The following RIN2 variants were observed in gnomAD, a reference collection of about 807,000 sequenced individuals.
The protein encoded by RIN2 is Ras and Rab interactor 2.
RIN2 carries 36 observed loss-of-function variants against 78.0 expected under a neutral mutation model. The observed-to-expected ratio is 0.46, with a 90% CI of 0.35 to 0.61. The LOEUF is 0.61. Among genes scored for constraint, RIN2 ranks in the 20% least tolerant of loss-of-function variants. The probability of loss-of-function intolerance (pLI) is 0.00; values close to 1 mark genes in which losing one functional copy is unlikely to be tolerated. For synonymous variants in RIN2, 466 were observed against 466.8 expected (o/e 1.00, Z 0.02); for missense variants, 1,087 against 1,159.7 (o/e 0.94, Z 0.91).
intron 3 of RIN2, among the ~76,000 whole-genome samples, chr20:19,934,150 T>C (rs1225251194): frequency 6.6e-6 from 1 of 152,198 alleles, no homozygotes. Context: ...AGAACTTATG[T>C]TTGTATGGAT....
At chr20:19,984,777 A>G (rs1402626036) in intron 9 of RIN2, among the ~76,000 whole-genome samples, 1 of 152,150 alleles carries the variant, frequency 6.6e-6, no homozygotes, top group Non-Finnish European at 1.5e-5. Context: ...AAAAAAATAA[A>G]TAAGAATCTT....
intron 1 of RIN2, among the ~76,000 whole-genome samples, chr20:19,774,231 G>A (rs143676256): frequency 1.7e-3 from 252 of 152,134 alleles, no homozygotes; most frequent in East Asian, 8.1e-3. Flanking sequence ...TATCACCCCC[G>A]AGCAGCCAAG....
chr20:19,802,733 G>T (rs75048314), intron 2 of RIN2, among the ~76,000 whole-genome samples: 196 of 152,246 alleles, frequency 1.3e-3, no homozygotes, highest in African/African-American at 4.5e-3. Context: ...ACTGAGTCCT[G>T]AAGGCCCCCT....
intron 12 of RIN2, among the ~76,000 whole-genome samples, chr20:19,998,080 A>G (rs60718992): frequency 6.6e-6 from 1 of 151,438 alleles, no homozygotes; most frequent in Non-Finnish European, 1.5e-5. Context: ...CCAGGTTCAA[A>G]CGATTCTCCT....
chr20:19,876,833 G>A (rs544158299), intron 2 of RIN2, among the ~76,000 whole-genome samples: 25 of 151,870 alleles, frequency 1.6e-4, no homozygotes, highest in African/African-American at 5.3e-4. Context: ...TGAACCCAGC[G>A]GGGCGGAGGT....
chr20:19,757,809 CG>C (rs1218098095), upstream of RIN2: 1 of 152,458 alleles, frequency 6.6e-6, no homozygotes, highest in Non-Finnish European at 1.5e-5. Context: ...CTCGCCTGGC[CG>C]GGGACCGCAG....
chr20:19,795,317 C>T (rs1451750304), intron 1 of RIN2, among the ~76,000 whole-genome samples: 1 of 152,182 alleles, frequency 6.6e-6, no homozygotes, highest in South Asian at 2.1e-4. Context: ...ATATGTCATA[C>T]ATATTCAGTG....
intron 4 of RIN2, among the ~76,000 whole-genome samples, chr20:19,954,303 G>A (rs992000523): frequency 6.6e-6 from 1 of 152,174 alleles, no homozygotes; most frequent in Admixed American, 6.5e-5. Flanking sequence ...AGTTCACACA[G>A]TTGAGTTCCT....
chr20:19,786,932 C>T (rs2034696219), intron 1 of RIN2, among the ~76,000 whole-genome samples: 2 of 152,102 alleles, frequency 1.3e-5, no homozygotes, highest in Admixed American at 6.6e-5. Context: ...GTATCTATTG[C>T]TTTTGGTGAA....
chr20:19,852,735 A>T (rs974758056), intron 2 of RIN2, among the ~76,000 whole-genome samples: 2 of 152,132 alleles, frequency 1.3e-5, no homozygotes, highest in Non-Finnish European at 1.5e-5. Flanking sequence ...TAATAATGAA[A>T]TTATTATTCT....
intron 3 of RIN2, among the ~76,000 whole-genome samples, chr20:19,911,883 T>A (rs112888035): frequency 0.013 from 1,904 of 152,312 alleles, 45 homozygotes; most frequent in African/African-American, 0.042. Flanking sequence ...AATCTCTTTG[T>A]TATCAGAATA....
chr20:19,910,500 T>C (rs114724706), intron 3 of RIN2, among the ~76,000 whole-genome samples: 3,570 of 150,942 alleles, frequency 0.024, 132 homozygotes, highest in African/African-American at 0.081. Flanking sequence ...CTTTTTCTTT[T>C]CTTCTTCTTT....
rs192036934 is a variant in RIN2, at chr20:19,800,407, C to T, written c.-37+660C>T. ...AGTGGAGAGGTCTATTTTCCCTCTC[C>T]TTGAATCTGAGCAGGACACAGTGAC... On this transcript the variant is annotated intron_variant, in intron 2 of 12. Transcript: ENST00000255006. Among the ~76,000 whole-genome samples, 94 of 152,324 alleles carry T rather than the reference C, an allele frequency of 6.2e-4. 1 individual carries two copies. The highest frequency in any genetic ancestry group is 3.4e-3 in the Middle Eastern group (1 of 294).
intron 9 of RIN2, among the ~76,000 whole-genome samples, chr20:19,978,182 C>T (rs138217402): frequency 1.6e-4 from 25 of 152,246 alleles, no homozygotes; most frequent in African/African-American, 6.0e-4. Context: ...CTAGTTCTAT[C>T]CTCATTTCCT....
intron 1 of RIN2, among the ~76,000 whole-genome samples, chr20:19,783,314 TG>T (rs371865411): frequency 1.8e-4 from 28 of 152,358 alleles, no homozygotes; most frequent in African/African-American, 6.5e-4. Context: ...GCCTTTGTCA[TG>T]GACTGTAGAT....
At chr20:19,772,801 G>A (rs1483823949) in intron 1 of RIN2, among the ~76,000 whole-genome samples, 2 of 152,206 alleles carry the variant, frequency 1.3e-5, no homozygotes, top group Non-Finnish European at 1.5e-5. Flanking sequence ...GAGGCACAGA[G>A]AGATGGAGTG....
intron 12 of RIN2, among the ~76,000 whole-genome samples, chr20:19,997,903 A>G (rs73287524): frequency 0.14 from 21,539 of 152,032 alleles, 1,729 homozygotes; most frequent in South Asian, 0.25. Context: ...GTTTGTTTCT[A>G]TGTTCCCCAT....
chr20:19,797,840 A>G (rs1440206441), intron 1 of RIN2, among the ~76,000 whole-genome samples: 2 of 149,788 alleles, frequency 1.3e-5, no homozygotes, highest in Non-Finnish European at 3.0e-5. Context: ...AATGCTTTCT[A>G]TGGATTATTC....
At chr20:19,989,173 C>A (rs1403657690) in intron 9 of RIN2, among the ~76,000 whole-genome samples, 3 of 151,132 alleles carry the variant, frequency 2.0e-5, no homozygotes, top group Non-Finnish European at 4.4e-5. Context: ...TTCGATGCCC[C>A]ACTAATGTCC....
Sources: allele counts gnomAD v4.1 joint callset (sites outside exome capture counted in the v4.1 genomes callset), GRCh38; gene constraint gnomAD v4.1.1; transcripts MANE v1.5; gene names NCBI Gene and HGNC (gene_info 2026-07-23, HGNC 2026-07-21).